Variants in CC2D1A observed in about 807,000 individuals in gnomAD.
CC2D1A encodes coiled-coil and C2 domain containing 1A, also known as coiled-coil and C2 domain-containing protein 1A.
CC2D1A carries 68 observed loss-of-function variants against 123.8 expected under a neutral mutation model. The observed-to-expected ratio is 0.55, with a 90% CI of 0.45 to 0.67. The LOEUF is 0.67. Ranked by LOEUF, CC2D1A falls within the 30% of genes least tolerant of loss-of-function variation. The pLI is 0.00. For missense variants in CC2D1A, 1,185 were observed against 1,290.3 expected (o/e 0.92, Z 1.25); for synonymous variants, 477 against 528.0 (o/e 0.90, Z 1.32).
intron 2 of CC2D1A, among the ~76,000 whole-genome samples, chr19:13,910,181 G>A (rs1354266436): frequency 1.3e-4 from 20 of 150,614 alleles, no homozygotes; most frequent in Admixed American, 9.9e-4. Flanking sequence ...GGCAGATCAT[G>A]AGGTCAGGAG....
At chr19:13,926,495 T>TGCCCACCTGCCC (rs771439336) in intron 17 of CC2D1A, 22 bp from the exon 18 acceptor site, 3 of 1,611,286 alleles carry the variant, frequency 1.9e-6, no homozygotes, top group Non-Finnish European at 2.5e-6. Flanking sequence ...CCCACCTGCC[T>TGCCCACCTGCCC]GCCCACCTGC....
intron 11 of CC2D1A, 30 bp downstream of exon 11, chr19:13,919,232 A>G (rs770146337): frequency 5.8e-6 from 9 of 1,553,880 alleles, no homozygotes; most frequent in East Asian, 2.4e-5. Flanking sequence ...GCCTCGCCCC[A>G]GTAGGCCCCG....
intron 25 of CC2D1A, 21 bp from the exon 26 acceptor site, chr19:13,929,513 A>G (rs1247271109): frequency 1.2e-6 from 2 of 1,612,336 alleles, no homozygotes; most frequent in Admixed American, 1.7e-5. Flanking sequence ...GGATCCTCAC[A>G]GGACCCTCTG....
At chr19:13,909,143 C>T (rs373508323) in intron 1 of CC2D1A, among the ~76,000 whole-genome samples, 3 of 152,010 alleles carry the variant, frequency 2.0e-5, no homozygotes, top group Middle Eastern at 3.4e-3. Flanking sequence ...GAGGCCGAGG[C>T]GGGCAGATCA....
At chr19:13,920,138 C>T in intron 12 of CC2D1A, 187 bp downstream of exon 12, 1 of 561,428 alleles carries the variant, frequency 1.8e-6, no homozygotes, top group Non-Finnish European at 3.1e-6. Flanking sequence ...GTAGTCCCTG[C>T]TACTTGGGAG....
Position 13,926,857 on chromosome 19 carries a change from A to G in CC2D1A, c.2110A>G (p.Asn704Asp), listed in dbSNP as rs1971661904. The G allele has an allele frequency of 1.9e-6, 3 of 1,614,086 alleles. No homozygotes were observed. The highest frequency in any genetic ancestry group is 1.6e-4 in the Middle Eastern group (1 of 6,062). ...GAAAGACAAGACCAGTGTGATCAAG[A>G]ACACAGACTCCCCTGGTGAGCCTCG... ...AQKDKTSVIK[N>D]TDSPEFKEQF... The change falls in exon 20 of 29, where the codon AAC becomes GAC. Residue 704 changes from asparagine (N) to aspartate (D), a missense_variant. Asn to Asp is a conservative substitution (Grantham distance 23). Coordinates refer to ENST00000318003, the MANE Select transcript of CC2D1A (RefSeq NM_017721.5).
intron 1 of CC2D1A, among the ~76,000 whole-genome samples, chr19:13,909,502 G>A (rs1242274859): frequency 6.6e-6 from 1 of 152,164 alleles, no homozygotes; most frequent in Admixed American, 6.5e-5. Flanking sequence ...CAAAGTGCTG[G>A]GATGACAGGC....
At chr19:13,911,435 G>A (rs565683424) in intron 2 of CC2D1A, among the ~76,000 whole-genome samples, 21 of 152,176 alleles carry the variant, frequency 1.4e-4, no homozygotes, top group African/African-American at 2.9e-4. Context: ...TGTCATCCCC[G>A]TGTCACAGAG....
chr19:13,930,609 G>A lies in CC2D1A; in HGVS notation c.*214G>A. The stretch of plus-strand genomic sequence containing the variant: ...CAGTATGTGCCCCTCACCCAGGCCT[G>A]GCTGGGCCCTGGAGAGTCCTGTTTG... On this transcript the variant is annotated 3_prime_UTR_variant, in exon 29 of 29. Transcript: ENST00000318003. The surrounding 1 kb of genome is among the most constrained non-coding windows in gnomAD (Gnocchi z 6.8). 1.6e-6 allele frequency: 1 copy of A among 623,968 alleles called. No homozygotes were observed. The highest frequency in any genetic ancestry group is 2.0e-5 in the South Asian group (1 of 50,604). 38.7% of individuals were successfully genotyped at this position (623,968 alleles called of 1,614,324 possible). A position where few individuals can be genotyped will look rare whatever the true frequency, so the allele number is the denominator to read the frequency against.
At position 13,906,575 on chromosome 19, in the gene CC2D1A, C is replaced by T. The variant is rs1438255307; in HGVS notation, c.60+74C>T. 6 of 996,636 alleles carry T rather than the reference C, an allele frequency of 6.0e-6. No homozygotes were observed. Among genetic ancestry groups the T allele is most frequent in the East Asian group, 3.2e-5 (1 of 30,884 alleles). The allele number at this position is 996,636 out of a possible 1,614,324, so 61.7% of individuals were successfully genotyped here. A position where few individuals can be genotyped will look rare whatever the true frequency, so the allele number is the denominator to read the frequency against. On this transcript the variant is annotated intron_variant, in intron 1 of 28. Transcript: ENST00000318003. The surrounding 1 kb of genome is among the most constrained non-coding windows in gnomAD (Gnocchi z 4.1). Reference sequence around the variant, plus strand: ...TCACTCGCTCAGGGAAGGGCCCCACCCCCCAGGGAAGCCCGATCTCCGCCC... The same window carrying T: ...TCACTCGCTCAGGGAAGGGCCCCACTCCCCAGGGAAGCCCGATCTCCGCCC...
chr19:13,929,448 T>C lies in CC2D1A; in HGVS notation c.2583+6T>C. ...AAGAGCGTCTGGAGCGGAAGGTGGG[T>C]ATCCATCCTGCCGGGCTACATGGGG... is the stretch of plus-strand genomic sequence containing the variant. On this transcript the variant is annotated splice_donor_region_variant and intron_variant, in intron 25 of 28. Coordinates refer to ENST00000318003, the MANE Select transcript of CC2D1A (RefSeq NM_017721.5). 6.2e-7 allele frequency: 1 copy of C among 1,612,908 alleles called. No individual in the cohort carries two copies. Among genetic ancestry groups the C allele is most frequent in the Admixed American group, 1.7e-5 (1 of 59,930 alleles).
chr19:13,927,078 G>A lies in CC2D1A; in HGVS notation c.2225+1G>A, dbSNP rs780264058. 3.1e-6 allele frequency: 5 copies of A among 1,613,976 alleles called. No homozygotes were observed. The highest frequency in any genetic ancestry group is 4.2e-6 in the Non-Finnish European group (5 of 1,179,876). On this transcript the variant is annotated splice_donor_variant, in intron 21 of 28. Transcript: ENST00000318003. LOFTEE classifies it high-confidence loss of function. ...TCAAGTTCGAAGTGGTTCACAAGGG[G>A]TGAGCTAGAGAGAGCCATGGCCGCT...
intron 22 of CC2D1A, 167 bp from the exon 23 acceptor site, chr19:13,927,726 G>A: frequency 1.4e-6 from 1 of 711,870 alleles, no homozygotes; most frequent in East Asian, 2.5e-5. Flanking sequence ...AGCTTGCAGT[G>A]AGCCCAGATT....
chr19:13,929,958 G>A, intron 26 of CC2D1A, 120 bp from the exon 27 acceptor site: 1 of 869,510 alleles, frequency 1.2e-6, no homozygotes, highest in Admixed American at 2.4e-5. Context: ...CACCTGGAGG[G>A]GGAGGGGCTC....
intron 17 of CC2D1A, among the ~76,000 whole-genome samples, 184 bp from the exon 18 acceptor site, chr19:13,926,333 C>G (rs1306765491): frequency 2.0e-5 from 3 of 152,058 alleles, no homozygotes; most frequent in African/African-American, 7.2e-5. Flanking sequence ...TGATCCATTG[C>G]CAACCTGAAC....
At chr19:13,909,606 C>G in intron 1 of CC2D1A, 1 of 653,954 alleles carries the variant, frequency 1.5e-6, no homozygotes, top group Non-Finnish European at 2.8e-6. Flanking sequence ...AGAGCTGGGT[C>G]TCTTGCCCTT....
chr19:13,907,240 AC>A (rs1339928220), intron 1 of CC2D1A, among the ~76,000 whole-genome samples: 2 of 151,510 alleles, frequency 1.3e-5, no homozygotes, highest in African/African-American at 4.9e-5. Context: ...CAAAAGCAAG[AC>A]CCCCGTCTCG....
chr19:13,923,907 C>A lies in CC2D1A; in HGVS notation c.1940+96C>A, dbSNP rs531876959. 2.2e-6 allele frequency: 2 copies of A among 894,976 alleles called. No homozygotes were observed. Among genetic ancestry groups the A allele is most frequent in the East Asian group, 4.9e-5 (2 of 41,118 alleles). The allele number at this position is 894,976 out of a possible 1,614,324, so 55.4% of individuals were successfully genotyped here. A position where few individuals can be genotyped will look rare whatever the true frequency, so the allele number is the denominator to read the frequency against. On this transcript the variant is annotated intron_variant, in intron 17 of 28. Transcript: ENST00000318003. This position sits in a 1 kb window ranked among gnomAD's most constrained non-coding sequence, Gnocchi z 5.3. ...TCCCCAGAAGCTGGCACAAGATTTA[C>A]ATCTGGAAGAAATTTTGGATAGGTG...
At position 13,912,416 on chromosome 19, in the gene CC2D1A, TGGA is replaced by T; in HGVS notation, c.293_295del (p.Glu98del). 2 of 1,613,692 alleles carry T rather than the reference TGGA, an allele frequency of 1.2e-6. No individual in the cohort carries two copies. The highest frequency in any genetic ancestry group is 2.2e-5 in the South Asian group (2 of 91,002). On this transcript the variant is annotated inframe_deletion, in exon 3 of 29. Coordinates refer to ENST00000318003, the MANE Select transcript of CC2D1A (RefSeq NM_017721.5). ...GAGGAGGGGACGGATGAGGACGACTTGGAGGCTGATGATGACCTGCTGGTGAGC... is the reference window on the plus strand; with the variant it reads ...GAGGAGGGGACGGATGAGGACGACTTGGCTGATGATGACCTGCTGGTGAGC...
Sources: gnomAD v4.1 joint callset for allele counts (sites outside exome capture counted in the v4.1 genomes callset) on GRCh38, gnomAD v4.1.1 for gene constraint, Gnocchi (gnomAD v3.1) non-coding constraint, MANE v1.5 for transcripts, NCBI Gene and HGNC (gene_info 2026-07-23, HGNC 2026-07-21) for gene names.